The following INPP5F variants were observed in gnomAD, a reference collection of about 807,000 sequenced individuals.
INPP5F encodes the protein inositol polyphosphate-5-phosphatase F.
INPP5F carries 97 observed loss-of-function variants against 137.2 expected under a neutral mutation model. The ratio of observed to expected loss-of-function variants is 0.71; its 90% CI spans 0.60 to 0.84. The LOEUF is 0.84. Ranked by LOEUF, INPP5F falls within the 40% of genes least tolerant of loss-of-function variation. The pLI is 0.00. For synonymous variants in INPP5F, 504 were observed against 476.9 expected (o/e 1.06, Z -0.74); for missense variants, 1,271 against 1,371.9 (o/e 0.93, Z 1.16).
chr10:119,796,932 T>C lies in INPP5F; in HGVS notation c.868+19T>C, dbSNP rs1323497900. On this transcript the variant is annotated intron_variant, in intron 7 of 19. Coordinates refer to ENST00000650623, the MANE Select transcript of INPP5F (RefSeq NM_014937.4). ...AGAGCAGGTGAGTGGAGGGCTGTAA[T>C]AGCATTCAAATCAAATCCAGGCGAG... 11 of 1,599,252 alleles carry C rather than the reference T, an allele frequency of 6.9e-6. No individual in the cohort carries two copies. Among genetic ancestry groups the C allele is most frequent in the Non-Finnish European group, 9.4e-6 (11 of 1,166,734 alleles).
chr10:119,808,714 T>C (rs966165399), intron 13 of INPP5F, among the ~76,000 whole-genome samples: 2 of 152,206 alleles, frequency 1.3e-5, no homozygotes, highest in African/African-American at 4.8e-5. Flanking sequence ...AGTAAATAAA[T>C]TACTCAGTCT....
At chr10:119,798,252 G>C (rs1850456713) in intron 8 of INPP5F, among the ~76,000 whole-genome samples, 1 of 151,886 alleles carries the variant, frequency 6.6e-6, no homozygotes, top group Non-Finnish European at 1.5e-5. Flanking sequence ...TGTTTTAGAG[G>C]GGTTTTTATT....
rs1220525053 is a variant in INPP5F, at chr10:119,787,583, A to G, written c.316-3934A>G. On this transcript the variant is annotated intron_variant, in intron 3 of 19. Coordinates refer to ENST00000650623, the MANE Select transcript of INPP5F (RefSeq NM_014937.4). This position sits in a 1 kb window ranked among gnomAD's most constrained non-coding sequence, Gnocchi z 4.1. ...ACAGAGTGCGACTCTGTCTCAAAGA[A>G]GGAAAGAAGGAAGGAAGGAAAGGAT... is the stretch of plus-strand genomic sequence containing the variant. Among the ~76,000 whole-genome samples, 1 of 150,572 alleles carries G rather than the reference A, an allele frequency of 6.6e-6. No homozygotes were observed. Among genetic ancestry groups the G allele is most frequent in the East Asian group, 2.0e-4 (1 of 5,092 alleles).
chr10:119,727,011 T>C (rs527902409), intron 1 of INPP5F, among the ~76,000 whole-genome samples: 1 of 152,354 alleles, frequency 6.6e-6, no homozygotes, highest in East Asian at 1.9e-4. Context: ...TGTGGGTCCA[T>C]GTTTGGGTGT....
At chr10:119,799,844 A>G (rs957906015) in intron 9 of INPP5F, among the ~76,000 whole-genome samples, 7 of 152,138 alleles carry the variant, frequency 4.6e-5, no homozygotes, top group Non-Finnish European at 1.0e-4. Flanking sequence ...CTGGTGACTT[A>G]AATAGGACTT....
chr10:119,763,149 A>G (rs1849055276), intron 2 of INPP5F, among the ~76,000 whole-genome samples: 1 of 152,242 alleles, frequency 6.6e-6, no homozygotes, highest in Admixed American at 6.5e-5. Context: ...GAGCCCTAGT[A>G]AGTCCAAACT....
At chr10:119,818,446 G>A (rs929515259) in intron 15 of INPP5F, among the ~76,000 whole-genome samples, 1 of 152,222 alleles carries the variant, frequency 6.6e-6, no homozygotes, top group South Asian at 2.1e-4. Flanking sequence ...CCAGACGCTC[G>A]GTGCAGTACC....
rs12764679 is a variant in INPP5F, at chr10:119,828,554, G to A, written c.*774G>A. On this transcript the variant is annotated 3_prime_UTR_variant, in exon 20 of 20. Coordinates refer to ENST00000650623, the MANE Select transcript of INPP5F (RefSeq NM_014937.4). ...TCAGTCAGGTTTTAATTTATTCCAG[G>A]AGGGGCATCCTCGACATCTTATGTA... 0.054 allele frequency: 8,270 copies of A among 152,216 alleles called. 411 individuals are homozygous for A. The highest frequency in any genetic ancestry group is 0.26 in the South Asian group (1,263 of 4,824). The allele number at this position is 152,216 out of a possible 1,614,324, so 9.4% of individuals were successfully genotyped here.
At chr10:119,733,321 T>A (rs986406435) in intron 1 of INPP5F, among the ~76,000 whole-genome samples, 1 of 152,238 alleles carries the variant, frequency 6.6e-6, no homozygotes, top group Admixed American at 6.5e-5. Flanking sequence ...ATGTAATGAA[T>A]TGACTAGTAG....
Position 119,794,535 on chromosome 10 carries a change from T to C in INPP5F, c.670-2180T>C, listed in dbSNP as rs11199090. On this transcript the variant is annotated intron_variant, in intron 6 of 19. Coordinates refer to ENST00000650623, the MANE Select transcript of INPP5F (RefSeq NM_014937.4). The stretch of plus-strand genomic sequence containing the variant: ...GGCCCGTTCTCAATGAGCTGTTGGG[T>C]ACACCTCCCAGACGGGGTGGTGGCC... Among the ~76,000 whole-genome samples the C allele has an allele frequency of 4.2e-3, 632 of 151,950 alleles. 22 individuals are homozygous for C. In the East Asian group the frequency reaches 0.092, roughly 22 times the overall value.
intron 1 of INPP5F, among the ~76,000 whole-genome samples, chr10:119,733,904 G>GT (rs965639844): frequency 3.9e-5 from 6 of 152,168 alleles, no homozygotes; most frequent in African/African-American, 9.7e-5. Context: ...CCCATAACAG[G>GT]TTTTTTGTGA....
chr10:119,805,731 C>T (rs182991777), intron 11 of INPP5F, among the ~76,000 whole-genome samples: 125 of 152,318 alleles, frequency 8.2e-4, no homozygotes, highest in African/African-American at 2.8e-3. Flanking sequence ...TCATGCCCCA[C>T]GGTCCACATT....
intron 6 of INPP5F, among the ~76,000 whole-genome samples, chr10:119,794,230 A>C (rs974497815): frequency 1.3e-4 from 19 of 151,874 alleles, no homozygotes; most frequent in African/African-American, 4.6e-4. Context: ...CTTAAAGAGC[A>C]TGCTGCCTTC....
At position 119,798,581 on chromosome 10, in the gene INPP5F, G is replaced by A. The variant is rs1850470048; in HGVS notation, c.1087G>A (p.Glu363Lys). The A allele has an allele frequency of 3.1e-6, 5 of 1,612,244 alleles. No individual in the cohort carries two copies. The highest frequency in any genetic ancestry group is 1.7e-5 in the Admixed American group (1 of 59,860). ...ETVAYFCAHF[E>K]EQLNIYKKQV... ...TGTTGCCTATTTCTGTGCCCATTTC[G>A]AAGAACAACTGAACATTTACAAAAA... The change falls in exon 9 of 20, where the codon GAA becomes AAA. Residue 363 changes from glutamate (E) to lysine (K), a missense_variant. Physicochemically the swap from Glu to Lys is moderately conservative, Grantham distance 56. Transcript: ENST00000650623.
intron 15 of INPP5F, among the ~76,000 whole-genome samples, chr10:119,820,104 C>G (rs1851495453): frequency 6.6e-6 from 1 of 152,146 alleles, no homozygotes; most frequent in Non-Finnish European, 1.5e-5. Flanking sequence ...AATTCAGATT[C>G]TGCCTGTGTT....
chr10:119,767,815 C>T lies in INPP5F; in HGVS notation c.179-13820C>T, dbSNP rs564021860. ...GTAGAGAGAATCATTTCAAAAATAA[C>T]AAAATGTTCAAGTCACCAGAAAGAA... is the stretch of plus-strand genomic sequence containing the variant. On this transcript the variant is annotated intron_variant, in intron 2 of 19. Transcript: ENST00000650623. Among the ~76,000 whole-genome samples the T allele has an allele frequency of 2.6e-5, 4 of 152,226 alleles. No homozygotes were observed. In the East Asian group the frequency reaches 7.7e-4, roughly 29 times the overall value.
intron 15 of INPP5F, chr10:119,815,322 G>A (rs1483238778): frequency 6.6e-6 from 1 of 152,510 alleles, no homozygotes; most frequent in East Asian, 1.9e-4. Flanking sequence ...GTTGCCAAGA[G>A]TGATTGTGAG....
At chr10:119,758,231 C>T (rs1209958165) in intron 2 of INPP5F, among the ~76,000 whole-genome samples, 1 of 152,156 alleles carries the variant, frequency 6.6e-6, no homozygotes, top group Non-Finnish European at 1.5e-5. Context: ...GGAGCTGGTG[C>T]TCCTGGATGG....
chr10:119,737,982 A>G (rs1014102917), intron 1 of INPP5F, among the ~76,000 whole-genome samples: 1 of 152,060 alleles, frequency 6.6e-6, no homozygotes, highest in Non-Finnish European at 1.5e-5. Context: ...TCTTGGGCTG[A>G]GGGAGTGCCT....
Sources: gnomAD v4.1 joint callset for allele counts (sites outside exome capture counted in the v4.1 genomes callset) on GRCh38, gnomAD v4.1.1 for gene constraint, Gnocchi (gnomAD v3.1) non-coding constraint, MANE v1.5 for transcripts, NCBI Gene and HGNC (gene_info 2026-07-23, HGNC 2026-07-21) for gene names.